DOCK11: variants seen among roughly 807,000 people sequenced by gnomAD.
DOCK11 encodes the protein dedicator of cytokinesis 11.
A neutral mutation model predicts 169.1 loss-of-function variants in DOCK11; 70 were observed. The ratio of observed to expected loss-of-function variants is 0.41; its 90% CI spans 0.34 to 0.51. DOCK11 has a LOEUF of 0.51. Ranked by LOEUF, DOCK11 falls within the 20% of genes least tolerant of loss-of-function variation. The probability of loss-of-function intolerance (pLI) is 0.10; values close to 1 mark genes in which losing one functional copy is unlikely to be tolerated. For synonymous variants in DOCK11, 529 were observed against 541.3 expected, an observed-to-expected ratio of 0.98 and a Z score of 0.32; for missense variants, 1,166 against 1,538.8, an observed-to-expected ratio of 0.76 and a Z score of 4.05.
In DOCK11 at chrX:118,676,605, A is replaced by T; in HGVS notation, c.5328A>T (p.Glu1776Asp). 1 of 1,152,549 alleles carries T rather than the reference A, an allele frequency of 8.7e-7. No individual in the cohort carries two copies. The highest frequency in any genetic ancestry group is 1.2e-6 in the Non-Finnish European group (1 of 859,407). 95.0% of individuals were successfully genotyped at this position (1,152,549 alleles called of 1,213,427 possible). The change falls in exon 48 of 53, where the codon GAA becomes GAT. Residue 1776 changes from glutamate to aspartate, a missense_variant. By Grantham distance (45) the Glu-to-Asp change is conservative. Coordinates refer to ENST00000276202, the MANE Select transcript of DOCK11 (RefSeq NM_144658.4). ...VAFYGQSFFE[E>D]EDGKEYIYKE... ...CTTTATAATAGTCTTTTTTTGAAGA[A>T]GAAGATGGAAAGGAGTACATCTATA...
intron 1 of DOCK11, among the ~76,000 whole-genome samples, chrX:118,512,041 G>A (rs2057653751): frequency 8.9e-6 from 1 of 112,177 alleles, no homozygotes; most frequent in African/African-American, 3.2e-5. Flanking sequence ...AGCCTCCCGA[G>A]TAGCTGGGAC....
intron 40 of DOCK11, among the ~76,000 whole-genome samples, chrX:118,647,985 A>G (rs1460059795): frequency 2.0e-5 from 1 of 51,049 alleles, no homozygotes; most frequent in Non-Finnish European, 3.3e-5. Context: ...TATAATATAT[A>G]ATAATATATA....
chrX:118,665,571 G>A (rs190065845), intron 45 of DOCK11, among the ~76,000 whole-genome samples: 1 of 112,365 alleles, frequency 8.9e-6, no homozygotes, highest in African/African-American at 3.2e-5. Context: ...ATCAAAAACT[G>A]TAATTAGTTT....
intron 46 of DOCK11, among the ~76,000 whole-genome samples, chrX:118,674,187 G>C (rs1033857983): frequency 9.0e-6 from 1 of 111,327 alleles, no homozygotes; most frequent in African/African-American, 3.3e-5. Flanking sequence ...ATCTCACTCT[G>C]TCATCGAGGT....
intron 48 of DOCK11, among the ~76,000 whole-genome samples, chrX:118,677,559 A>G (rs995827770): frequency 1.8e-5 from 2 of 112,490 alleles, no homozygotes; most frequent in Admixed American, 1.9e-4. Context: ...TATGCAGAAC[A>G]CTTAAAAGCT....
At chrX:118,497,312 G>A (rs1216407551) in intron 1 of DOCK11, among the ~76,000 whole-genome samples, 3 of 111,354 alleles carry the variant, frequency 2.7e-5, no homozygotes, top group African/African-American at 9.9e-5. Context: ...ATTAAAGGGA[G>A]GCCAGGGGCT....
intron 23 of DOCK11, among the ~76,000 whole-genome samples, chrX:118,604,509 G>A (rs1390045685): frequency 1.0e-5 from 1 of 96,431 alleles, no homozygotes; most frequent in African/African-American, 3.8e-5. Flanking sequence ...GATGCTCAGC[G>A]AGGTTTGTTT....
chrX:118,685,669 C>T lies in DOCK11; in HGVS notation c.6103-19C>T. On this transcript the variant is annotated intron_variant, in intron 52 of 52. Transcript: ENST00000276202. ...GCTATTTTGCTTCATGATAATCATG[C>T]TGATTTCTTCTGTTTTAGATATTAC... 8.4e-7 allele frequency: 1 copy of T among 1,197,170 alleles called. No individual in the cohort carries two copies. Among genetic ancestry groups the T allele is most frequent in the South Asian group, 1.9e-5 (1 of 53,701 alleles).
intron 6 of DOCK11, among the ~76,000 whole-genome samples, chrX:118,556,525 G>C (rs1417328527): frequency 1.9e-5 from 2 of 106,539 alleles, no homozygotes; most frequent in African/African-American, 6.8e-5. Flanking sequence ...GAGGTGGGTA[G>C]ATCACTTGAG....
At chrX:118,561,327 A>T (rs1300142478) in intron 6 of DOCK11, 56 bp from the exon 7 acceptor site, 1 of 1,051,377 alleles carries the variant, frequency 9.5e-7, no homozygotes, top group Non-Finnish European at 1.2e-6. Context: ...CAGAGAAACT[A>T]TTCAAATGCA....
intron 31 of DOCK11, among the ~76,000 whole-genome samples, chrX:118,621,490 C>G (rs1451090335): frequency 8.9e-6 from 1 of 111,773 alleles, no homozygotes; most frequent in African/African-American, 3.3e-5. Flanking sequence ...AGAATGTTTC[C>G]TATGAAAAGC....
intron 46 of DOCK11, among the ~76,000 whole-genome samples, chrX:118,673,615 A>G (rs1202968636): frequency 8.9e-6 from 1 of 112,070 alleles, no homozygotes; most frequent in Non-Finnish European, 1.9e-5. Context: ...ATATGGGAGG[A>G]ATTTTAGAGA....
At chrX:118,669,335 T>C (rs1429669751) in intron 45 of DOCK11, among the ~76,000 whole-genome samples, 1 of 111,924 alleles carries the variant, frequency 8.9e-6, no homozygotes, top group Non-Finnish European at 1.9e-5. Context: ...GTTGCGTAGA[T>C]ATCTGAGCCT....
At chrX:118,549,721 TTTTGTTTG>T (rs199862662) in intron 6 of DOCK11, among the ~76,000 whole-genome samples, 2 of 108,187 alleles carry the variant, frequency 1.8e-5, no homozygotes, top group South Asian at 8.0e-4. Context: ...GCCCAGCTAA[TTTTGTTTG>T]TTTGTTTGTT....
intron 4 of DOCK11, 46 bp from the exon 5 acceptor site, chrX:118,545,277 T>C (rs2012223469): frequency 4.3e-6 from 4 of 930,140 alleles, no homozygotes; most frequent in South Asian, 5.2e-5. Flanking sequence ...TTTTCTTTTT[T>C]TTTTTGGTCT....
Position 118,590,269 on chromosome X carries a change from G to A in DOCK11, c.2106G>A (p.Ser702=), listed in dbSNP as rs758404122. 1.1e-5 allele frequency: 13 copies of A among 1,208,105 alleles called. No homozygotes were observed. The highest frequency in any genetic ancestry group is 8.8e-5 in the South Asian group (5 of 56,714). ...VFTTNAYAVV[S]HHNQNPEFYD... ...CCACAAATGCTTATGCTGTTGTCTC[G>A]CATCACAACCAAAATCCAGAGTTCT... is the stretch of plus-strand genomic sequence containing the variant. The change falls in exon 19 of 53, where the codon TCG becomes TCA. Residue 702 remains serine, a synonymous_variant. Coordinates refer to ENST00000276202, the MANE Select transcript of DOCK11 (RefSeq NM_144658.4).
At chrX:118,568,370 TTATATATATATATATATATA>T (rs397839351) in intron 10 of DOCK11, among the ~76,000 whole-genome samples, 3,981 of 36,713 alleles carry the variant, frequency 0.11, 298 homozygotes, top group African/African-American at 0.22. Context: ...TGGGGCTGAA[TTATATATATATATATATATA>T]TATATATATA....
intron 52 of DOCK11, among the ~76,000 whole-genome samples, chrX:118,684,271 C>CTTTTTTTTTTTTTT (rs1197326228): frequency 5.1e-5 from 4 of 78,628 alleles, no homozygotes; most frequent in Non-Finnish European, 5.0e-5. Context: ...TTTTTTTTTT[C>CTTTTTTTTTTTTTT]TTTTTTTTTT....
rs2014065572 is a variant in DOCK11 at position 118,593,420 on chromosome X, A to T, written c.2263+83A>T. ...GTATAACCTCTTTTCACCAAGCTAT[A>T]GACCACTTCTCCCCTTGACCAAAAA... On this transcript the variant is annotated intron_variant, in intron 20 of 52. Transcript: ENST00000276202. 3 of 970,712 alleles carry T rather than the reference A, an allele frequency of 3.1e-6. No homozygotes were observed. In the Admixed American group the frequency reaches 1.1e-4, roughly 34 times the overall value. 80.0% of individuals were successfully genotyped at this position (970,712 alleles called of 1,213,427 possible). A position where few individuals can be genotyped will look rare whatever the true frequency, so the allele number is the denominator to read the frequency against.
Sources: gnomAD v4.1 joint callset for allele counts (sites outside exome capture counted in the v4.1 genomes callset) on GRCh38, gnomAD v4.1.1 for gene constraint, MANE v1.5 for transcripts, NCBI Gene and HGNC (gene_info 2026-07-23, HGNC 2026-07-21) for gene names.